Variants in REPS2 observed in about 807,000 individuals in gnomAD.
REPS2 encodes the protein RALBP1 associated Eps domain containing 2.
Under a neutral mutation model 53.6 loss-of-function variants are expected in REPS2, and 23 were observed. That is an observed-to-expected ratio of 0.43 (90% CI 0.31 to 0.61). The LOEUF (loss-of-function observed/expected upper bound fraction) is 0.61. REPS2 is among the 20% of genes least tolerant of loss of function. The pLI, the probability that REPS2 is intolerant of heterozygous loss-of-function variation, is 0.11. For synonymous variants in REPS2, 238 were observed against 218.6 expected, an observed-to-expected ratio of 1.09 and a Z score of -0.78; for missense variants, 446 against 534.9, an observed-to-expected ratio of 0.83 and a Z score of 1.64.
chrX:17,170,336 G>C, the REPS2 span, among the ~76,000 whole-genome samples: 1 of 112,558 alleles, frequency 8.9e-6, no homozygotes, highest in East Asian at 2.8e-4. Flanking sequence ...TTTCAAGTTA[G>C]ACATTTCCTT....
chrX:16,959,357 G>A (rs1270442801), intron 1 of REPS2, among the ~76,000 whole-genome samples: 3 of 112,294 alleles, frequency 2.7e-5, no homozygotes, highest in African/African-American at 9.7e-5. Context: ...TTGGCCTCCA[G>A]AAGTGCTAGG....
In REPS2 at chrX:17,135,297, C is replaced by T. The variant is rs746046022; in HGVS notation, c.1699C>T (p.Arg567Cys). ...LYSQPPSKPI[R>C]RKFRPENQAT... ...TTCTCAGCCACCATCAAAGCCCATT[C>T]GTAGGAAATTCAGACCAGAAAACCA... The change falls in exon 16 of 18, where the codon CGT becomes TGT. Residue 567 changes from arginine (R) to cysteine (C), a missense_variant. Coordinates refer to ENST00000357277, the MANE Select transcript of REPS2 (RefSeq NM_004726.3). 6 of 1,209,111 alleles carry T rather than the reference C, an allele frequency of 5.0e-6. No individual in the cohort carries two copies. The highest frequency in any genetic ancestry group is 1.8e-5 in the South Asian group (1 of 56,714).
chrX:17,076,027 G>A (rs761104879), intron 12 of REPS2, among the ~76,000 whole-genome samples: 1 of 111,425 alleles, frequency 9.0e-6, no homozygotes, highest in South Asian at 3.8e-4. Context: ...TATGTTACAG[G>A]GACCACCCCA....
chrX:17,124,547 G>C (rs2063182306), intron 14 of REPS2, among the ~76,000 whole-genome samples: 1 of 111,582 alleles, frequency 9.0e-6, no homozygotes, highest in African/African-American at 3.3e-5. Flanking sequence ...CATCTTCTGT[G>C]ACTGGGTTTA....
At chrX:17,096,667 AAAAAAAAAAAAAAAAG>A (rs1018007148) in intron 13 of REPS2, among the ~76,000 whole-genome samples, 3 of 96,524 alleles carry the variant, frequency 3.1e-5, no homozygotes, top group Non-Finnish European at 6.2e-5. Context: ...CTCAAAAAAA[AAAAAAAAAAAAAAAAG>A]AAAAGAAAAG....
the REPS2 span, among the ~76,000 whole-genome samples, chrX:17,182,178 CT>C: frequency 2.7e-5 from 3 of 110,007 alleles, no homozygotes; most frequent in Non-Finnish European, 5.7e-5. Context: ...ATCTATCTAT[CT>C]ATCTATCTAT....
chrX:17,008,986 A>T (rs1434685120), intron 2 of REPS2, among the ~76,000 whole-genome samples: 16 of 111,258 alleles, frequency 1.4e-4, no homozygotes, highest in African/African-American at 5.2e-4. Context: ...CTCACTCCTT[A>T]ATAGAATCCA....
chrX:17,175,315 G>A, the REPS2 span, among the ~76,000 whole-genome samples: 1 of 112,436 alleles, frequency 8.9e-6, no homozygotes, highest in South Asian at 3.7e-4. Flanking sequence ...TAACCTCATT[G>A]AATCTGAGTG....
At chrX:16,955,813 G>C in intron 1 of REPS2, among the ~76,000 whole-genome samples, 1 of 111,838 alleles carries the variant, frequency 8.9e-6, no homozygotes, top group East Asian at 2.8e-4. Context: ...AATTTTGCGG[G>C]GGACACCTTA....
At chrX:17,116,234 C>G (rs2063053252) in intron 14 of REPS2, among the ~76,000 whole-genome samples, 1 of 109,106 alleles carries the variant, frequency 9.2e-6, no homozygotes, top group African/African-American at 3.3e-5. Flanking sequence ...TTTTTTGAGA[C>G]AGGGTCTTGC....
intron 14 of REPS2, among the ~76,000 whole-genome samples, chrX:17,127,214 A>G (rs1313548807): frequency 1.8e-5 from 2 of 112,245 alleles, no homozygotes; most frequent in Non-Finnish European, 3.8e-5. Flanking sequence ...AACCTGGCCT[A>G]CATGACCGTC....
chrX:16,959,160 A>G (rs1283382853), intron 1 of REPS2, among the ~76,000 whole-genome samples: 2 of 112,602 alleles, frequency 1.8e-5, no homozygotes, highest in African/African-American at 6.5e-5. Context: ...GCACAGTGGC[A>G]CCATCACAGC....
chrX:17,004,211 G>A (rs976332623), intron 1 of REPS2, among the ~76,000 whole-genome samples: 4 of 110,871 alleles, frequency 3.6e-5, no homozygotes, highest in African/African-American at 1.3e-4. Context: ...TTTGAGGAAA[G>A]CCCAGTGATT....
chrX:16,978,632 A>G (rs2060985380), intron 1 of REPS2: 1 of 692,181 alleles, frequency 1.4e-6, no homozygotes, highest in Non-Finnish European at 1.7e-6. Flanking sequence ...CAGTAATCTC[A>G]GAAGTTCTTG....
At chrX:17,000,221 A>G (rs1260494952) in intron 1 of REPS2, among the ~76,000 whole-genome samples, 2 of 111,739 alleles carry the variant, frequency 1.8e-5, no homozygotes, top group African/African-American at 3.3e-5. Flanking sequence ...ACAAATGTAT[A>G]TAAATGGGTG....
intron 13 of REPS2, among the ~76,000 whole-genome samples, chrX:17,103,191 A>C (rs1420238561): frequency 8.9e-6 from 1 of 111,866 alleles, no homozygotes; most frequent in East Asian, 2.8e-4. Context: ...CCTAAATATC[A>C]TTTCAGTCTA....
intron 9 of REPS2, among the ~76,000 whole-genome samples, chrX:17,064,102 CTT>C (rs11310120): frequency 2.2e-3 from 212 of 94,813 alleles, no homozygotes; most frequent in African/African-American, 3.9e-3. Flanking sequence ...ACTACCTAGT[CTT>C]TTTTTTTTTT....
chrX:17,178,308 G>A, the REPS2 span, among the ~76,000 whole-genome samples: 1 of 112,281 alleles, frequency 8.9e-6, no homozygotes, highest in Non-Finnish European at 1.9e-5. Flanking sequence ...TTTCTGCCCA[G>A]CTAATCTTTC....
Position 17,062,472 on chromosome X carries a change from T to C in REPS2, c.1149T>C (p.Phe383=), listed in dbSNP as rs1356587689. 1.7e-6 allele frequency: 2 copies of C among 1,204,064 alleles called. No individual in the cohort carries two copies. The highest frequency in any genetic ancestry group is 3.5e-5 in the African/African-American group (2 of 57,066). The change falls in exon 9 of 18, where the codon TTT becomes TTC. Residue 383 remains phenylalanine, a synonymous_variant. Transcript: ENST00000357277. The part of the protein sequence containing the change: ...FPKPKWDCQL[F]DSYSESLPAN... Reference sequence around the variant, plus strand: ...AGCCCAAATGGGACTGTCAATTATTTGATTCTTATTCTGAGTCACTGCCGG... The same window carrying C: ...AGCCCAAATGGGACTGTCAATTATTCGATTCTTATTCTGAGTCACTGCCGG...
Sources: gnomAD v4.1 joint callset for allele counts (sites outside exome capture counted in the v4.1 genomes callset) on GRCh38, gnomAD v4.1.1 for gene constraint, MANE v1.5 for transcripts, NCBI Gene and HGNC (gene_info 2026-07-23, HGNC 2026-07-21) for gene names.